Variants in RTL9 observed in about 807,000 individuals in gnomAD.
RTL9 encodes retrotransposon Gag like 9.
Under a neutral mutation model 44.7 loss-of-function variants are expected in RTL9, and 19 were observed. That is an observed-to-expected ratio of 0.42 (90% CI 0.30 to 0.62). The LOEUF is 0.62. Ranked by LOEUF, RTL9 falls within the 20% of genes least tolerant of loss-of-function variation. The probability of loss-of-function intolerance (pLI) is 0.16; values close to 1 mark genes in which losing one functional copy is unlikely to be tolerated. For missense variants in RTL9, 1,105 were observed against 1,080.6 expected (o/e 1.02, Z -0.32); for synonymous variants, 407 against 398.9 (o/e 1.02, Z -0.24).
At chrX:110,414,388 CT>C (rs1289197728), upstream of RTL9, among the ~76,000 whole-genome samples, 1 of 112,411 alleles carries the variant, frequency 8.9e-6, no homozygotes, top group East Asian at 2.8e-4. Flanking sequence ...CCATGCCAGC[CT>C]TTAAGAAAGG....
At chrX:110,430,147 A>G (rs1309410873) in intron 1 of RTL9, among the ~76,000 whole-genome samples, 1 of 112,606 alleles carries the variant, frequency 8.9e-6, no homozygotes, top group African/African-American at 3.2e-5. Flanking sequence ...CTTTGGCTAT[A>G]TGATCCCAGG....
At position 110,370,046 on chromosome X, in the gene RTL9, T is replaced by G. The variant is rs754366539; in HGVS notation, c.-168+11130T>G. 5.4e-5 allele frequency among the ~76,000 whole-genome samples: 6 copies of G among 111,211 alleles called. No individual in the cohort carries two copies. The South Asian group carries it at 2.3e-3, about 43-fold the overall frequency. Reference sequence around the variant, plus strand: ...CCACTATATTGAGTCTGAATCTGCCTTCCTGAAACACCTACCCTTTAGTCC... The same window carrying G: ...CCACTATATTGAGTCTGAATCTGCCGTCCTGAAACACCTACCCTTTAGTCC... On this transcript the variant is annotated intron_variant, in intron 1 of 2. Coordinates refer to the RTL9 transcript ENST00000520821.
exon 1 of RTL9, chrX:110,452,246 C>T (rs752631752): frequency 8.3e-6 from 10 of 1,210,095 alleles, no homozygotes; most frequent in East Asian, 3.0e-5. Context: ...AAATGAGAGC[C>T]CCTGTCTCTG....
chrX:110,433,269 AGCCCGTATCC>A (rs1349390197), intron 1 of RTL9, among the ~76,000 whole-genome samples: 7 of 112,582 alleles, frequency 6.2e-5, no homozygotes, highest in African/African-American at 2.3e-4. Flanking sequence ...GGTAGTGCAT[AGCCCGTATCC>A]TCAAAGAAGT....
intron 1 of RTL9, among the ~76,000 whole-genome samples, chrX:110,427,001 G>C (rs982685372): frequency 8.9e-6 from 1 of 112,263 alleles, no homozygotes; most frequent in Non-Finnish European, 1.9e-5. Context: ...AAACCCAAGA[G>C]TTGTAGTTCA....
intron 1 of RTL9, among the ~76,000 whole-genome samples, chrX:110,422,485 G>A (rs1208267005): frequency 8.9e-6 from 1 of 112,917 alleles, no homozygotes; most frequent in East Asian, 2.8e-4. Flanking sequence ...CTCCCCAGTT[G>A]TGGCAAATCA....
intron 1 of RTL9, among the ~76,000 whole-genome samples, chrX:110,367,937 T>C (rs1415282401): frequency 9.2e-6 from 1 of 108,767 alleles, no homozygotes; most frequent in African/African-American, 3.3e-5. Flanking sequence ...GATTTCCCAG[T>C]AGTTGGAACT....
At chrX:110,359,011 T>C (rs1485474911) in intron 1 of RTL9, 95 bp downstream of exon 1, 1 of 111,998 alleles carries the variant, frequency 8.9e-6, no homozygotes, top group Non-Finnish European at 1.9e-5. Context: ...TTTATAAGTA[T>C]TAACTCCTTT....
At chrX:110,453,210 G>A in exon 1 of RTL9, 1 of 1,211,624 alleles carries the variant, frequency 8.3e-7, no homozygotes, top group South Asian at 1.8e-5. Flanking sequence ...ACTGATGAGA[G>A]CCCCAGACTC....
intron 1 of RTL9, among the ~76,000 whole-genome samples, chrX:110,407,196 C>T (rs1602977524): frequency 1.8e-5 from 2 of 111,866 alleles, no homozygotes; most frequent in East Asian, 2.8e-4. Context: ...CTGGTTTGCT[C>T]AATGCTACAT....
chrX:110,414,806 C>T (rs1366473382), upstream of RTL9, among the ~76,000 whole-genome samples: 1 of 112,550 alleles, frequency 8.9e-6, no homozygotes, highest in Non-Finnish European at 1.9e-5. Flanking sequence ...AGAGCTTCCC[C>T]TCAGTCTTCA....
At chrX:110,432,410 T>G (rs1345864134) in intron 1 of RTL9, among the ~76,000 whole-genome samples, 2 of 110,357 alleles carry the variant, frequency 1.8e-5, no homozygotes, top group Non-Finnish European at 3.8e-5. Flanking sequence ...CAAGGGTGAG[T>G]GGTAGTGGTA....
rs921809130 is a variant in RTL9, at chrX:110,455,343, G to T, written c.*22G>T. On this transcript the variant is annotated 3_prime_UTR_variant, in exon 2 of 2. Coordinates refer to ENST00000540313, the Ensembl canonical transcript of RTL9. ...GTAAAACTCCATGGAATCTTCTCCT[G>T]TGATATCTGACTCGACCGCTAACTG... 5 of 1,205,619 alleles carry T rather than the reference G, an allele frequency of 4.1e-6. No homozygotes were observed. In the East Asian group the frequency reaches 1.5e-4, roughly 36 times the overall value.
chrX:110,367,621 G>C (rs2068306000), intron 1 of RTL9, among the ~76,000 whole-genome samples: 1 of 110,612 alleles, frequency 9.0e-6, no homozygotes, highest in South Asian at 3.9e-4. Context: ...TAACTAGGTT[G>C]TCTGATTGGC....
At chrX:110,431,718 C>A (rs1008712292) in intron 1 of RTL9, among the ~76,000 whole-genome samples, 1 of 111,892 alleles carries the variant, frequency 8.9e-6, no homozygotes. Flanking sequence ...GGGGCGCATA[C>A]AGCAGGCCCT....
In RTL9 at chrX:110,393,990, G is replaced by A. The variant is rs772902909; in HGVS notation, c.-168+35074G>A. ...CACGATAGGAAAGCGCTCAATGAGC[G>A]CTTTTGTGATTCTTCTGGAACTGCT... is the stretch of plus-strand genomic sequence containing the variant. On this transcript the variant is annotated intron_variant, in intron 1 of 2. Coordinates refer to the RTL9 transcript ENST00000520821. 1.1e-4 allele frequency among the ~76,000 whole-genome samples: 12 copies of A among 112,577 alleles called. No individual in the cohort carries two copies. The South Asian group carries it at 3.3e-3, about 31-fold the overall frequency.
chrX:110,452,922 A>G (rs1335095500), exon 1 of RTL9: 1 of 1,211,830 alleles, frequency 8.3e-7, no homozygotes, highest in Non-Finnish European at 1.1e-6. Context: ...AACAATGTCC[A>G]CACCACTAAT....
chrX:110,424,805 C>T (rs188896472), intron 1 of RTL9, among the ~76,000 whole-genome samples: 133 of 112,033 alleles, frequency 1.2e-3, no homozygotes, highest in Middle Eastern at 4.6e-3. Context: ...GGCTCTGCCA[C>T]CAAATAACAA....
At chrX:110,377,304 G>A (rs1029908952) in intron 1 of RTL9, among the ~76,000 whole-genome samples, 2 of 111,265 alleles carry the variant, frequency 1.8e-5, no homozygotes, top group African/African-American at 6.5e-5. Flanking sequence ...CTATTTGTCC[G>A]CAAACCCCAC....
Sources: allele counts gnomAD v4.1 joint callset (sites outside exome capture counted in the v4.1 genomes callset), GRCh38; gene constraint gnomAD v4.1.1; transcripts MANE v1.5; gene names NCBI Gene and HGNC (gene_info 2026-07-23, HGNC 2026-07-21).